The following GABRB1 variants were observed in gnomAD, a reference collection of about 807,000 sequenced individuals.
The protein encoded by GABRB1 is gamma-aminobutyric acid type A receptor subunit beta1, also known as gamma-aminobutyric acid receptor subunit beta-1.
In GABRB1, 17 loss-of-function variants were observed where a neutral mutation model predicts 51.6. That is an observed-to-expected ratio of 0.33 (90% CI 0.23 to 0.49). The LOEUF (loss-of-function observed/expected upper bound fraction) is 0.49. Among genes scored for constraint, GABRB1 ranks in the 20% least tolerant of loss-of-function variants. GABRB1 has a pLI of 0.99. For missense variants in GABRB1, 410 were observed against 600.6 expected, an observed-to-expected ratio of 0.68 and a Z score of 3.32; for synonymous variants, 247 against 218.9, an observed-to-expected ratio of 1.13 and a Z score of -1.14.
chr4:47,159,645 G>T (rs1413843597), intron 3 of GABRB1, among the ~76,000 whole-genome samples: 3 of 151,910 alleles, frequency 2.0e-5, no homozygotes, highest in African/African-American at 7.2e-5. Flanking sequence ...ATTGCAAGGT[G>T]GTTTCTGAGT....
chr4:47,103,680 G>T (rs150068785), intron 3 of GABRB1, among the ~76,000 whole-genome samples: 3 of 151,824 alleles, frequency 2.0e-5, no homozygotes, highest in African/African-American at 7.3e-5. Context: ...TGAATTATAC[G>T]AAGTTAGAAC....
intron 4 of GABRB1, among the ~76,000 whole-genome samples, chr4:47,279,640 C>T (rs185962636): frequency 2.0e-5 from 3 of 151,968 alleles, no homozygotes; most frequent in South Asian, 2.1e-4. Flanking sequence ...GATGAAGTAA[C>T]CCCTGATTAT....
At position 47,301,849 on chromosome 4, in the gene GABRB1, A is replaced by C. The variant is rs1724275716; in HGVS notation, c.462-18278A>C. Among the ~76,000 whole-genome samples, 3 of 152,162 alleles carry C rather than the reference A, an allele frequency of 2.0e-5. No homozygotes were observed. The South Asian group carries it at 6.2e-4, about 31-fold the overall frequency. ...TAATCAATTACAACTGCAATTCTAC[A>C]GGTAGAAATTTGTTGCTTTTCTATC... On this transcript the variant is annotated intron_variant, in intron 4 of 8. Transcript: ENST00000295454.
At chr4:47,020,227 C>G (rs952618269) in intron 1 of GABRB1, among the ~76,000 whole-genome samples, 1 of 152,084 alleles carries the variant, frequency 6.6e-6, no homozygotes, top group Admixed American at 6.6e-5. Context: ...TTTATTAGGA[C>G]CCCAACCTTT....
intron 4 of GABRB1, among the ~76,000 whole-genome samples, chr4:47,248,212 G>A (rs941101027): frequency 6.6e-6 from 1 of 152,056 alleles, no homozygotes; most frequent in African/African-American, 2.4e-5. Context: ...TTTGCTGATA[G>A]TTTTAATCAT....
chr4:47,182,459 T>C (rs1286672971), intron 4 of GABRB1, among the ~76,000 whole-genome samples: 2 of 152,016 alleles, frequency 1.3e-5, no homozygotes, highest in Non-Finnish European at 2.9e-5. Flanking sequence ...TCTTCCTTGA[T>C]ATTTAGAACA....
chr4:47,162,060 A>G (rs1324637725), intron 4 of GABRB1, among the ~76,000 whole-genome samples: 1 of 152,048 alleles, frequency 6.6e-6, no homozygotes, highest in Non-Finnish European at 1.5e-5. Flanking sequence ...TGTTCTTGGC[A>G]AAATGATCTT....
intron 1 of GABRB1, among the ~76,000 whole-genome samples, chr4:47,015,100 G>T (rs544674766): frequency 3.9e-5 from 6 of 152,204 alleles, no homozygotes; most frequent in African/African-American, 1.2e-4. Flanking sequence ...TAGAGACAGG[G>T]TTTCACCATG....
intron 4 of GABRB1, among the ~76,000 whole-genome samples, chr4:47,216,174 T>C (rs1720549311): frequency 6.6e-6 from 1 of 152,016 alleles, no homozygotes. Flanking sequence ...AGTTCAGAGC[T>C]AGCCTTTTTA....
chr4:47,117,201 G>C (rs948642277), intron 3 of GABRB1, among the ~76,000 whole-genome samples: 1 of 152,190 alleles, frequency 6.6e-6, no homozygotes, highest in African/African-American at 2.4e-5. Flanking sequence ...TATGTTACGA[G>C]AGGAGCAGGT....
At chr4:47,242,371 G>C (rs1490722331) in intron 4 of GABRB1, among the ~76,000 whole-genome samples, 1 of 152,196 alleles carries the variant, frequency 6.6e-6, no homozygotes, top group African/African-American at 2.4e-5. Context: ...CTTTATAGCA[G>C]CATGATTTAT....
intron 1 of GABRB1, among the ~76,000 whole-genome samples, chr4:47,013,054 C>G (rs760721032): frequency 9.9e-5 from 15 of 151,976 alleles, no homozygotes; most frequent in Non-Finnish European, 1.6e-4. Context: ...ATATACCTTG[C>G]TTTTAATTTT....
intron 3 of GABRB1, among the ~76,000 whole-genome samples, chr4:47,116,394 A>C (rs1161286949): frequency 6.6e-6 from 1 of 152,198 alleles, no homozygotes; most frequent in East Asian, 1.9e-4. Context: ...GCCAGTGCTC[A>C]ACCTGGTGGC....
intron 5 of GABRB1, among the ~76,000 whole-genome samples, chr4:47,377,346 G>T (rs930059131): frequency 6.6e-6 from 1 of 151,526 alleles, no homozygotes; most frequent in Non-Finnish European, 1.5e-5. Flanking sequence ...GACCCTCGCC[G>T]TGAGTGTTAC....
chr4:47,042,865 A>G (rs1049005379), intron 3 of GABRB1, among the ~76,000 whole-genome samples: 6 of 151,988 alleles, frequency 3.9e-5, no homozygotes, highest in Non-Finnish European at 5.9e-5. Flanking sequence ...ACAAAATTAT[A>G]CATATACCTC....
At chr4:47,305,070 C>T (rs1724398125) in intron 4 of GABRB1, among the ~76,000 whole-genome samples, 1 of 151,978 alleles carries the variant, frequency 6.6e-6, no homozygotes, top group Admixed American at 6.6e-5. Context: ...CTTCGAGGCC[C>T]TAATCTGTTT....
chr4:47,376,761 A>G (rs1258480576), intron 5 of GABRB1, among the ~76,000 whole-genome samples: 1 of 152,008 alleles, frequency 6.6e-6, no homozygotes, highest in Non-Finnish European at 1.5e-5. Flanking sequence ...AAATGGAAGG[A>G]AATGGAAGAG....
In GABRB1 at chr4:47,201,744, T is replaced by C. The variant is rs185549356; in HGVS notation, c.461+40275T>C. Among the ~76,000 whole-genome samples, 98 of 152,284 alleles carry C rather than the reference T, an allele frequency of 6.4e-4. 1 individual carries two copies. The highest frequency in any genetic ancestry group is 2.3e-3 in the African/African-American group (95 of 41,568). ...AATAAAAAGTTGTGAAAAGCGAAGA[T>C]AGTCTAGATATAACCCTATTTATCA... is the stretch of plus-strand genomic sequence containing the variant. On this transcript the variant is annotated intron_variant, in intron 4 of 8. Coordinates refer to ENST00000295454, the MANE Select transcript of GABRB1 (RefSeq NM_000812.4).
Position 47,129,416 on chromosome 4 carries a change from G to A in GABRB1, c.241-31833G>A, listed in dbSNP as rs375440355. ...AAAAACAAAGATATTTTAAAGAAAC[G>A]TGAATTTAGTCTTGTCAAATACATT... On this transcript the variant is annotated intron_variant, in intron 3 of 8. Transcript: ENST00000295454. 1.3e-4 allele frequency among the ~76,000 whole-genome samples: 20 copies of A among 152,134 alleles called. No homozygotes were observed. In the East Asian group the frequency reaches 1.4e-3, roughly 10 times the overall value.
Sources: gnomAD v4.1 joint callset for allele counts (sites outside exome capture counted in the v4.1 genomes callset) on GRCh38, gnomAD v4.1.1 for gene constraint, MANE v1.5 for transcripts, NCBI Gene and HGNC (gene_info 2026-07-23, HGNC 2026-07-21) for gene names.